Variants in TENM4 observed in about 807,000 individuals in gnomAD.
The protein encoded by TENM4 is teneurin-4.
TENM4 carries 82 observed loss-of-function variants against 243.3 expected under a neutral mutation model. That is an observed-to-expected ratio of 0.34 (90% CI 0.28 to 0.40). TENM4 has a LOEUF of 0.40. Ranked by LOEUF, TENM4 falls within the 10% of genes least tolerant of loss-of-function variation. TENM4 has a pLI of 1.00. For missense variants in TENM4, 3,138 were observed against 3,673.3 expected, an observed-to-expected ratio of 0.85 and a Z score of 3.77; for synonymous variants, 1,412 against 1,456.3, an observed-to-expected ratio of 0.97 and a Z score of 0.69.
chr11:79,076,576 G>A (rs1860541002), intron 4 of TENM4, among the ~76,000 whole-genome samples: 1 of 152,122 alleles, frequency 6.6e-6, no homozygotes, highest in Non-Finnish European at 1.5e-5. Context: ...ACAACACGTG[G>A]GAATTCAAGA....
At chr11:79,326,167 CA>C (rs1856972277) in intron 1 of TENM4, among the ~76,000 whole-genome samples, 1 of 152,172 alleles carries the variant, frequency 6.6e-6, no homozygotes, top group African/African-American at 2.4e-5. Context: ...GAACCTGACT[CA>C]AAAACCCTCT....
intron 4 of TENM4, among the ~76,000 whole-genome samples, chr11:79,146,510 G>A (rs1227368413): frequency 6.6e-5 from 10 of 152,046 alleles, no homozygotes; most frequent in Non-Finnish European, 1.5e-4. Flanking sequence ...AGGTACTAGA[G>A]GGTACGTTTT....
At chr11:79,113,420 T>TG (rs529644748) in intron 4 of TENM4, among the ~76,000 whole-genome samples, 4 of 111,106 alleles carry the variant, frequency 3.6e-5, no homozygotes, top group South Asian at 2.7e-4. Context: ...TGTGTGTGTG[T>TG]TGTGTGTGTG....
intron 2 of TENM4, among the ~76,000 whole-genome samples, chr11:79,269,009 G>A (rs943119521): frequency 2.0e-5 from 3 of 152,166 alleles, no homozygotes; most frequent in South Asian, 2.1e-4. Flanking sequence ...GAACACACAC[G>A]AAACCAGATG....
At chr11:79,040,349 C>T (rs1054544423) in intron 6 of TENM4, among the ~76,000 whole-genome samples, 1 of 152,220 alleles carries the variant, frequency 6.6e-6, no homozygotes, top group Non-Finnish European at 1.5e-5. Flanking sequence ...ATTCCCCTCT[C>T]CTTCTTCCTC....
At chr11:79,189,303 C>T (rs1268165582) in intron 3 of TENM4, among the ~76,000 whole-genome samples, 2 of 152,188 alleles carry the variant, frequency 1.3e-5, no homozygotes, top group Non-Finnish European at 2.9e-5. Context: ...AGATCCCTTC[C>T]CTTTTTCAGA....
chr11:78,662,052 T>C (rs532627616), intron 32 of TENM4, among the ~76,000 whole-genome samples: 49 of 152,256 alleles, frequency 3.2e-4, no homozygotes, highest in African/African-American at 1.1e-3. Flanking sequence ...CACCCTCCTG[T>C]GCAGTAATTA....
At chr11:78,902,845 T>C (rs1855961711) in intron 7 of TENM4, among the ~76,000 whole-genome samples, 1 of 152,090 alleles carries the variant, frequency 6.6e-6, no homozygotes, top group South Asian at 2.1e-4. Context: ...GGTAGAATCA[T>C]GTAGGGAAAG....
At chr11:79,050,972 C>G (rs1859776381) in intron 6 of TENM4, among the ~76,000 whole-genome samples, 1 of 152,186 alleles carries the variant, frequency 6.6e-6, no homozygotes, top group Non-Finnish European at 1.5e-5. Flanking sequence ...GAGTTATGAA[C>G]AGCTGTGCAT....
chr11:78,765,016 C>T (rs1856514347), intron 18 of TENM4, among the ~76,000 whole-genome samples: 1 of 152,186 alleles, frequency 6.6e-6, no homozygotes, highest in African/African-American at 2.4e-5. Context: ...GTTCCTTAAC[C>T]TCACAGCCCC....
At chr11:79,189,710 A>C (rs906744592) in intron 3 of TENM4, among the ~76,000 whole-genome samples, 1 of 152,206 alleles carries the variant, frequency 6.6e-6, no homozygotes, top group African/African-American at 2.4e-5. Flanking sequence ...GTATTTGCCA[A>C]GTGGATTTTC....
At chr11:78,858,781 C>T (rs565665400) in intron 10 of TENM4, among the ~76,000 whole-genome samples, 1 of 152,260 alleles carries the variant, frequency 6.6e-6, no homozygotes, top group African/African-American at 2.4e-5. Flanking sequence ...TACAATTCTT[C>T]TTATCCCTAC....
chr11:79,307,346 A>G (rs1186716144), intron 1 of TENM4, among the ~76,000 whole-genome samples: 1 of 151,922 alleles, frequency 6.6e-6, no homozygotes, highest in Non-Finnish European at 1.5e-5. Flanking sequence ...CCCCATCTCA[A>G]TAAGTGATGC....
intron 29 of TENM4, among the ~76,000 whole-genome samples, chr11:78,684,176 T>C (rs972385968): frequency 6.6e-6 from 1 of 152,244 alleles, no homozygotes; most frequent in African/African-American, 2.4e-5. Flanking sequence ...GAGTGCGTGC[T>C]GTGAGAGGCA....
intron 12 of TENM4, among the ~76,000 whole-genome samples, chr11:78,826,054 A>G (rs978437524): frequency 6.6e-6 from 1 of 151,306 alleles, no homozygotes; most frequent in Non-Finnish European, 1.5e-5. Flanking sequence ...TTACAAACCA[A>G]ATAGAAAACC....
At chr11:78,963,868 A>G (rs1264277016) in intron 6 of TENM4, among the ~76,000 whole-genome samples, 7 of 150,306 alleles carry the variant, frequency 4.7e-5, no homozygotes, top group African/African-American at 1.7e-4. Flanking sequence ...AGTAGCTGGG[A>G]TTACAGGTGC....
At chr11:79,374,198 A>T (rs185815948) in intron 1 of TENM4, among the ~76,000 whole-genome samples, 25 of 152,286 alleles carry the variant, frequency 1.6e-4, no homozygotes, top group African/African-American at 5.8e-4. Context: ...CCATGCTATG[A>T]CCACAATGAC....
rs147254645 is a variant in TENM4 at position 78,923,806 on chromosome 11, C to T, written c.494-20283G>A. Among the ~76,000 whole-genome samples the T allele has an allele frequency of 1.9e-3, 269 of 141,862 alleles. 2 individuals carry two copies. The highest frequency in any genetic ancestry group is 6.5e-3 in the African/African-American group (254 of 38,996). 93.1% of individuals were successfully genotyped at this position (141,862 alleles called of 152,430 possible). A position where few individuals can be genotyped will look rare whatever the true frequency, so the allele number is the denominator to read the frequency against. ...CTGCCCACCTCAGCCTCCGAAAGTG[C>T]TAGGATTACAAGCATGAGCCACCAT... On this transcript the variant is annotated intron_variant, in intron 6 of 33. Transcript: ENST00000278550.
At chr11:78,935,400 T>C (rs1419841331) in intron 6 of TENM4, among the ~76,000 whole-genome samples, 1 of 152,194 alleles carries the variant, frequency 6.6e-6, no homozygotes, top group Non-Finnish European at 1.5e-5. Context: ...TCCAGGCACC[T>C]TTTATTCCTT....
Sources: gnomAD v4.1 joint callset for allele counts (sites outside exome capture counted in the v4.1 genomes callset) on GRCh38, gnomAD v4.1.1 for gene constraint, MANE v1.5 for transcripts, NCBI Gene and HGNC (gene_info 2026-07-23, HGNC 2026-07-21) for gene names.